RBFOX1: variants seen among roughly 807,000 people sequenced by gnomAD.
RBFOX1 encodes RNA binding protein fox-1 homolog 1.
RBFOX1 carries 8 observed loss-of-function variants against 57.7 expected under a neutral mutation model. The observed-to-expected ratio is 0.14, with a 90% confidence interval of 0.08 to 0.25. The LOEUF is 0.25. Ranked by LOEUF, RBFOX1 falls within the 10% of genes least tolerant of loss-of-function variation. The probability of loss-of-function intolerance (pLI) is 1.00; values close to 1 mark genes in which losing one functional copy is unlikely to be tolerated. For missense variants in RBFOX1, 611 were observed against 548.5 expected, an observed-to-expected ratio of 1.11 and a Z score of -1.14; for synonymous variants, 326 against 222.4, an observed-to-expected ratio of 1.47 and a Z score of -4.15.
chr16:6,220,718 A>C (rs2097367067), intron 1 of RBFOX1, among the ~76,000 whole-genome samples: 1 of 14,592 alleles, frequency 6.9e-5, no homozygotes, highest in South Asian at 0.024. Flanking sequence ...TGCTATGACT[A>C]ACCGCCCCCC....
intron 4 of RBFOX1, among the ~76,000 whole-genome samples, chr16:7,204,701 C>T (rs1346555740): frequency 1.3e-5 from 2 of 152,164 alleles, no homozygotes; most frequent in African/African-American, 4.8e-5. Flanking sequence ...GGATTATTCA[C>T]TGGCATTTTT....
rs556992220 is a variant in RBFOX1 at position 6,950,967 on chromosome 16, A to G, written c.-15-101090A>G. ...GTTTCTCAGGCTGGAGTGCAGTGGCATGATCACAGCTCATTGCAGCCTCAA... is the reference window on the plus strand; with the variant it reads ...GTTTCTCAGGCTGGAGTGCAGTGGCGTGATCACAGCTCATTGCAGCCTCAA... On this transcript the variant is annotated intron_variant, in intron 3 of 15. Coordinates refer to ENST00000550418, the MANE Select transcript of RBFOX1 (RefSeq NM_018723.4). Among the ~76,000 whole-genome samples, 27 of 151,306 alleles carry G rather than the reference A, an allele frequency of 1.8e-4. 1 individual carries two copies. In the South Asian group the frequency reaches 4.6e-3, roughly 26 times the overall value.
At chr16:7,424,517 C>G (rs1173826426) in intron 4 of RBFOX1, among the ~76,000 whole-genome samples, 2 of 152,174 alleles carry the variant, frequency 1.3e-5, no homozygotes, top group Non-Finnish European at 2.9e-5. Flanking sequence ...ACCTCGGCTT[C>G]CAAAAGTGCC....
intron 3 of RBFOX1, among the ~76,000 whole-genome samples, chr16:5,814,819 C>T (rs2055566883): frequency 6.6e-6 from 1 of 152,124 alleles, no homozygotes; most frequent in Non-Finnish European, 1.5e-5. Flanking sequence ...GTCCCAGCTA[C>T]TCGGGAGGCT....
chr16:7,567,583 ATATATGGCCCTATATATATATCCCTT>A lies in RBFOX1; in HGVS notation c.271-12172_271-12147del, dbSNP rs1277256579. On this transcript the variant is annotated intron_variant, in intron 5 of 15. Coordinates refer to ENST00000550418, the MANE Select transcript of RBFOX1 (RefSeq NM_018723.4). ...TATGGCCCTATATATATATATCCCT[ATATATGGCCCTATATATATATCCCTT>A]TATATGGCCCTATATATATATATAT... Among the ~76,000 whole-genome samples the A allele has an allele frequency of 1.0e-3, 98 of 97,156 alleles. 1 individual carries two copies. Among genetic ancestry groups the A allele is most frequent in the African/African-American group, 1.6e-3 (47 of 30,156 alleles). The allele number at this position is 97,156 out of a possible 152,430, so 63.7% of individuals were successfully genotyped here.
chr16:6,012,656 A>G (rs2094968452), intron 4 of RBFOX1, among the ~76,000 whole-genome samples: 1 of 152,216 alleles, frequency 6.6e-6, no homozygotes, highest in African/African-American at 2.4e-5. Flanking sequence ...CTCATGGAAC[A>G]GGGAATGCAG....
intron 1 of RBFOX1, among the ~76,000 whole-genome samples, chr16:6,064,489 C>T (rs561927571): frequency 6.6e-6 from 1 of 152,230 alleles, no homozygotes; most frequent in South Asian, 2.1e-4. Flanking sequence ...GTAAGCAAAT[C>T]CATTCCCACA....
At chr16:6,131,350 C>T (rs749496206) in intron 1 of RBFOX1, among the ~76,000 whole-genome samples, 1 of 152,172 alleles carries the variant, frequency 6.6e-6, no homozygotes, top group Admixed American at 6.5e-5. Flanking sequence ...TACGTATTGT[C>T]AAAGGCTGCT....
At chr16:7,510,487 C>A (rs200222682) in intron 4 of RBFOX1, among the ~76,000 whole-genome samples, 1 of 149,570 alleles carries the variant, frequency 6.7e-6, no homozygotes, top group East Asian at 2.0e-4. Flanking sequence ...GTATGTGTGT[C>A]TGTGTGTGTG....
chr16:5,639,445 G>C (rs1422364954), intron 3 of RBFOX1, among the ~76,000 whole-genome samples: 1 of 152,090 alleles, frequency 6.6e-6, no homozygotes, highest in African/African-American at 2.4e-5. Flanking sequence ...GTCTTGATAT[G>C]AATCAAGACT....
At chr16:5,464,611 G>A (rs906519874) in intron 1 of RBFOX1, among the ~76,000 whole-genome samples, 3 of 125,606 alleles carry the variant, frequency 2.4e-5, no homozygotes, top group Non-Finnish European at 3.4e-5. Flanking sequence ...TCAGTACAGT[G>A]TTCTCCTCCC....
chr16:5,332,820 T>C (rs1244445934), intron 1 of RBFOX1, among the ~76,000 whole-genome samples: 1 of 152,038 alleles, frequency 6.6e-6, no homozygotes, highest in Non-Finnish European at 1.5e-5. Context: ...ATACTTTATA[T>C]ATAGAAATAA....
chr16:6,339,817 C>G (rs1360175201), intron 2 of RBFOX1, among the ~76,000 whole-genome samples: 14 of 151,824 alleles, frequency 9.2e-5, no homozygotes, highest in Admixed American at 9.2e-4. Context: ...ATTACAGGTG[C>G]CTGCCACCAT....
At chr16:5,321,672 A>G (rs1409760892) in intron 1 of RBFOX1, among the ~76,000 whole-genome samples, 2 of 152,120 alleles carry the variant, frequency 1.3e-5, no homozygotes, top group African/African-American at 2.4e-5. Context: ...TGCAGTAGAT[A>G]GGGGAAGTGG....
intron 4 of RBFOX1, among the ~76,000 whole-genome samples, chr16:7,136,404 ATTTT>A (rs35623726): frequency 5.4e-5 from 6 of 110,936 alleles, no homozygotes; most frequent in Non-Finnish European, 7.3e-5. Context: ...TCATCTTGGG[ATTTT>A]TTTTTTTTTT....
chr16:7,460,377 A>ATATATATATATATT (rs2059324435), intron 4 of RBFOX1, among the ~76,000 whole-genome samples: 1 of 85,080 alleles, frequency 1.2e-5, no homozygotes, highest in Non-Finnish European at 2.0e-5. Context: ...CAAAATATAT[A>ATATATATATATATT]TATATATATA....
chr16:6,135,908 C>G lies in RBFOX1; in HGVS notation c.-127+115916C>G, dbSNP rs551399524. Among the ~76,000 whole-genome samples, 180 of 150,476 alleles carry G rather than the reference C, an allele frequency of 1.2e-3. 4 individuals are homozygous for G. In the South Asian group the frequency reaches 0.014, roughly 12 times the overall value. On this transcript the variant is annotated intron_variant, in intron 1 of 15. Transcript: ENST00000550418. ...CTCCCAGGCTCAAGTGATTCTCCTG[C>G]CTCAGCCTCCCCAGTAGCTGGGAGT...
intron 3 of RBFOX1, among the ~76,000 whole-genome samples, chr16:6,817,110 G>A (rs948071901): frequency 2.6e-5 from 4 of 152,112 alleles, no homozygotes; most frequent in Non-Finnish European, 4.4e-5. Flanking sequence ...TGTGGATACA[G>A]AACTGATGTA....
At chr16:6,472,055 C>G (rs921389918) in intron 2 of RBFOX1, among the ~76,000 whole-genome samples, 1 of 152,006 alleles carries the variant, frequency 6.6e-6, no homozygotes, top group African/African-American at 2.4e-5. Flanking sequence ...CATTCTTTCT[C>G]TATATACTGT....
Sources: allele counts gnomAD v4.1 joint callset (sites outside exome capture counted in the v4.1 genomes callset), GRCh38; gene constraint gnomAD v4.1.1; transcripts MANE v1.5; gene names NCBI Gene and HGNC (gene_info 2026-07-23, HGNC 2026-07-21).